The following TENM3 variants were observed in gnomAD, a reference collection of about 807,000 sequenced individuals.
The protein encoded by TENM3 is teneurin-3.
Under a neutral mutation model 255.1 loss-of-function variants are expected in TENM3, and 63 were observed. The observed-to-expected ratio is 0.25, with a 90% CI of 0.20 to 0.30. The LOEUF (loss-of-function observed/expected upper bound fraction) is 0.30. Ranked by LOEUF, TENM3 falls within the 10% of genes least tolerant of loss-of-function variation. The pLI is 1.00. For synonymous variants in TENM3, 1,306 were observed against 1,322.3 expected (o/e 0.99, Z 0.27); for missense variants, 2,929 against 3,461.1 (o/e 0.85, Z 3.86).
At position 182,177,633 on chromosome 4, in the gene TENM3, T is replaced by A. The variant is rs577393502; in HGVS notation, c.-76+32879T>A. 8.6e-5 allele frequency among the ~76,000 whole-genome samples: 13 copies of A among 151,472 alleles called. 1 individual carries two copies. In the South Asian group the frequency reaches 2.5e-3, roughly 29 times the overall value. The stretch of plus-strand genomic sequence containing the variant: ...ATATATATTTTTTTTTTTTTTGCTC[T>A]ACCCTCAAAACTACTTAAGTGATGT... On this transcript the variant is annotated intron_variant, in intron 1 of 2. Transcript: ENST00000512480.
chr4:182,657,948 G>C (rs534225417), intron 6 of TENM3, among the ~76,000 whole-genome samples: 1 of 152,286 alleles, frequency 6.6e-6, no homozygotes, highest in Non-Finnish European at 1.5e-5. Flanking sequence ...GAGCCACCTC[G>C]CCCGGTGCTT....
intron 3 of TENM3, among the ~76,000 whole-genome samples, chr4:182,556,488 T>G (rs1251973858): frequency 6.6e-6 from 1 of 152,172 alleles, no homozygotes; most frequent in Non-Finnish European, 1.5e-5. Flanking sequence ...AATCATTTGG[T>G]CATGAGAATT....
At chr4:182,715,141 C>G (rs1199784119) in intron 13 of TENM3, among the ~76,000 whole-genome samples, 2 of 152,214 alleles carry the variant, frequency 1.3e-5, no homozygotes, top group Non-Finnish European at 2.9e-5. Context: ...ACCTCGGCCT[C>G]CAAAGTGCTG....
At chr4:182,286,345 A>G (rs1333029896) in intron 1 of TENM3, among the ~76,000 whole-genome samples, 1 of 152,188 alleles carries the variant, frequency 6.6e-6, no homozygotes, top group Admixed American at 6.5e-5. Flanking sequence ...TAGATCAGCA[A>G]ATTGGCAGGG....
the TENM3 span, among the ~76,000 whole-genome samples, chr4:181,576,715 G>T: frequency 6.6e-6 from 1 of 151,684 alleles, no homozygotes; most frequent in Non-Finnish European, 1.5e-5. Context: ...TTAAGCGCCT[G>T]AGGAAGAAAC....
the TENM3 span, among the ~76,000 whole-genome samples, chr4:181,962,331 T>G: frequency 6.6e-6 from 1 of 152,220 alleles, no homozygotes; most frequent in Non-Finnish European, 1.5e-5. Flanking sequence ...AGTAAAGTAC[T>G]TGTAAGATGG....
chr4:182,282,617 G>A (rs1022835627), intron 1 of TENM3, among the ~76,000 whole-genome samples: 1 of 152,094 alleles, frequency 6.6e-6, no homozygotes, highest in Non-Finnish European at 1.5e-5. Context: ...AATGGGCCGG[G>A]CACAGTGGCT....
At chr4:181,999,069 G>A in the TENM3 span, among the ~76,000 whole-genome samples, 1 of 152,168 alleles carries the variant, frequency 6.6e-6, no homozygotes, top group Non-Finnish European at 1.5e-5. Context: ...CTGAGGACTT[G>A]ATTTTGATTT....
the TENM3 span, among the ~76,000 whole-genome samples, chr4:182,002,744 T>C: frequency 1.3e-5 from 2 of 152,222 alleles, no homozygotes; most frequent in African/African-American, 2.4e-5. Flanking sequence ...TAATAAAACA[T>C]TGAGGCAAAG....
chr4:182,321,630 T>A (rs1763058787), intron 1 of TENM3, among the ~76,000 whole-genome samples: 1 of 133,252 alleles, frequency 7.5e-6, no homozygotes, highest in Admixed American at 7.4e-5. Flanking sequence ...TGTCTCAAAA[T>A]AATAATAATA....
intron 3 of TENM3, among the ~76,000 whole-genome samples, chr4:182,507,121 G>A (rs752425640): frequency 4.7e-5 from 7 of 149,704 alleles, no homozygotes; most frequent in Admixed American, 2.7e-4. Flanking sequence ...TTCTCCATTC[G>A]TATTAAGTTT....
intron 1 of TENM3, among the ~76,000 whole-genome samples, chr4:182,233,012 T>G: frequency 6.6e-6 from 1 of 152,076 alleles, no homozygotes; most frequent in East Asian, 1.9e-4. Flanking sequence ...CTTGGGTAAT[T>G]GAAACCACAA....
chr4:182,028,600 T>TAA, the TENM3 span, among the ~76,000 whole-genome samples: 3 of 152,204 alleles, frequency 2.0e-5, no homozygotes, highest in Non-Finnish European at 4.4e-5. Context: ...AACTTCTTCT[T>TAA]AACACTGCTT....
the TENM3 span, among the ~76,000 whole-genome samples, chr4:181,753,679 G>A: frequency 6.6e-6 from 1 of 152,224 alleles, no homozygotes; most frequent in Non-Finnish European, 1.5e-5. Context: ...AACAGACCCT[G>A]TTGAAAAGAC....
chr4:182,446,636 T>A lies in TENM3; in HGVS notation c.511+99707T>A, dbSNP rs554257744. Among the ~76,000 whole-genome samples the A allele has an allele frequency of 1.4e-4, 22 of 152,280 alleles. No individual in the cohort carries two copies. The East Asian group carries it at 3.1e-3, about 21-fold the overall frequency. On this transcript the variant is annotated intron_variant, in intron 3 of 27. Transcript: ENST00000511685. ...CCCCAGGTCCTAGCACTTTTTTTTT[T>A]TTTTTAAGAGACGGAGTCTCCCTAT...
chr4:181,739,828 AG>A, the TENM3 span, among the ~76,000 whole-genome samples: 1 of 152,220 alleles, frequency 6.6e-6, no homozygotes, highest in Admixed American at 6.5e-5. Flanking sequence ...TTTTTAACAT[AG>A]CCATTGAAAT....
intron 1 of TENM3, among the ~76,000 whole-genome samples, chr4:182,172,577 C>A (rs1421020900): frequency 6.6e-6 from 1 of 152,166 alleles, no homozygotes; most frequent in South Asian, 2.1e-4. Context: ...TGGAGAATAA[C>A]CCTATACTCA....
At position 182,688,276 on chromosome 4, in the gene TENM3, TG is replaced by T; in HGVS notation, c.2147del (p.Cys716LeufsTer60). 1 of 1,613,932 alleles carries T rather than the reference TG, an allele frequency of 6.2e-7. No individual in the cohort carries two copies. The highest frequency in any genetic ancestry group is 8.5e-7 in the Non-Finnish European group (1 of 1,179,830). On this transcript the variant is annotated frameshift_variant, in exon 12 of 28. Transcript: ENST00000511685. LOFTEE classifies it high-confidence loss of function. ...ACNQRACHPR[C>X]AEHGTCKDGK... is the part of the protein sequence containing the mutation. ...TAATCAGAGAGCCTGCCACCCCCGC[TG>T]TGCCGAGCACGGGACCTGCAAGGAT...
chr4:181,505,752 T>C, the TENM3 span, among the ~76,000 whole-genome samples: 4 of 152,202 alleles, frequency 2.6e-5, no homozygotes, highest in African/African-American at 9.6e-5. Flanking sequence ...CAAAAGATTA[T>C]AGCAGAAATT....
Sources: allele counts gnomAD v4.1 joint callset (sites outside exome capture counted in the v4.1 genomes callset), GRCh38; gene constraint gnomAD v4.1.1; transcripts MANE v1.5; gene names NCBI Gene and HGNC (gene_info 2026-07-23, HGNC 2026-07-21).